MRRF: variants seen among roughly 807,000 people sequenced by gnomAD.
The protein encoded by MRRF is mitochondrial ribosome recycling factor, also known as ribosome-recycling factor, mitochondrial.
In MRRF, 18 loss-of-function variants were observed where a neutral mutation model predicts 25.1. The ratio of observed to expected loss-of-function variants is 0.72; its 90% CI spans 0.50 to 1.06. The LOEUF (loss-of-function observed/expected upper bound fraction) is 1.06. Ranked by LOEUF, MRRF falls within the 50% of genes least tolerant of loss-of-function variation. MRRF has a pLI of 0.00. For synonymous variants in MRRF, 113 were observed against 112.1 expected, an observed-to-expected ratio of 1.01 and a Z score of -0.05; for missense variants, 323 against 319.3, an observed-to-expected ratio of 1.01 and a Z score of -0.09.
chr9:122,316,502 CTT>C (rs2118986820), intron 6 of MRRF, among the ~76,000 whole-genome samples: 1 of 152,182 alleles, frequency 6.6e-6, no homozygotes, highest in South Asian at 2.1e-4. Context: ...TTGTTAATAA[CTT>C]AATTTACTGT....
intron 5 of MRRF, among the ~76,000 whole-genome samples, chr9:122,309,514 A>G (rs1221690194): frequency 2.0e-5 from 3 of 152,208 alleles, no homozygotes; most frequent in Non-Finnish European, 4.4e-5. Flanking sequence ...GGCAACTTAA[A>G]TATCACTTAG....
rs1832415389 is a variant in MRRF at position 122,270,987 on chromosome 9, G to A, written c.96G>A (p.Lys32=). The change falls in exon 2 of 7, where the codon AAG becomes AAA. Residue 32 remains lysine, a synonymous_variant. Transcript: ENST00000344641. ...SIRPVSEVTL[K]TVHERQHGHR... Reference sequence around the variant, plus strand: ...GACCCGTTTCAGAAGTTACACTGAAGACAGTGCATGAAAGACAACATGGCC... The same window carrying A: ...GACCCGTTTCAGAAGTTACACTGAAAACAGTGCATGAAAGACAACATGGCC... 1 of 1,614,144 alleles carries A rather than the reference G, an allele frequency of 6.2e-7. No individual in the cohort carries two copies. Among genetic ancestry groups the A allele is most frequent in the Non-Finnish European group, 8.5e-7 (1 of 1,179,996 alleles).
chr9:122,273,390 CATG>C (rs1411944061), intron 2 of MRRF, among the ~76,000 whole-genome samples: 2 of 146,640 alleles, frequency 1.4e-5, no homozygotes, highest in Non-Finnish European at 3.0e-5. Flanking sequence ...TACAGTGAGC[CATG>C]ATGATGCCAC....
Position 122,325,493 on chromosome 9 carries a change from C to T in MRRF, c.*2876C>T, listed in dbSNP as rs1836107110. ...CTCCATCTCTTCTCTCCTACAGCCT[C>T]TCTCAAAAAGAAACACTGGGTATGG... is the stretch of plus-strand genomic sequence containing the variant. On this transcript the variant is annotated 3_prime_UTR_variant, in exon 7 of 7. Transcript: ENST00000344641. 6.6e-6 allele frequency: 1 copy of T among 152,174 alleles called. No homozygotes were observed. The highest frequency in any genetic ancestry group is 2.4e-5 in the African/African-American group (1 of 41,438). 9.4% of individuals were successfully genotyped at this position (152,174 alleles called of 1,614,324 possible). A position where few individuals can be genotyped will look rare whatever the true frequency, so the allele number is the denominator to read the frequency against.
chr9:122,309,022 C>T (rs1412073692), intron 5 of MRRF, among the ~76,000 whole-genome samples: 1 of 152,120 alleles, frequency 6.6e-6, no homozygotes, highest in Non-Finnish European at 1.5e-5. Flanking sequence ...AGCTCTGTAC[C>T]TATTAAACAA....
intron 5 of MRRF, among the ~76,000 whole-genome samples, chr9:122,304,270 G>A (rs1834686376): frequency 6.6e-6 from 1 of 152,016 alleles, no homozygotes; most frequent in African/African-American, 2.4e-5. Flanking sequence ...CATTCTCCTG[G>A]TTTGTTCCAG....
chr9:122,293,724 C>T (rs16911600), intron 5 of MRRF, among the ~76,000 whole-genome samples: 7,126 of 152,190 alleles, frequency 0.047, 526 homozygotes, highest in African/African-American at 0.16. Context: ...TCTGAGAATG[C>T]GTATGTGCCA....
intron 2 of MRRF, among the ~76,000 whole-genome samples, chr9:122,275,610 C>A (rs903935914): frequency 6.6e-6 from 1 of 152,184 alleles, no homozygotes; most frequent in Admixed American, 6.5e-5. Flanking sequence ...GCACTCCAGT[C>A]TGGGTGACAG....
chr9:122,266,706 C>A (rs541183596), intron 1 of MRRF, among the ~76,000 whole-genome samples: 2 of 152,188 alleles, frequency 1.3e-5, no homozygotes, highest in African/African-American at 4.8e-5. Context: ...GGTTGGTCAT[C>A]TAGCCAAAAT....
intron 2 of MRRF, 99 bp downstream of exon 2, chr9:122,271,174 T>C (rs781441483): frequency 3.8e-6 from 4 of 1,044,146 alleles, no homozygotes; most frequent in Non-Finnish European, 6.0e-6. Context: ...ATTTCTCCCC[T>C]TGCTAACATG....
At chr9:122,286,045 G>T (rs1320555949) in intron 4 of MRRF, 2 of 1,294,990 alleles carry the variant, frequency 1.5e-6, no homozygotes, top group Admixed American at 2.3e-5. Context: ...CTAGGAATTG[G>T]CCTGGATTAG....
intron 5 of MRRF, among the ~76,000 whole-genome samples, chr9:122,295,634 C>A (rs536190830): frequency 5.0e-4 from 76 of 152,082 alleles, no homozygotes; most frequent in Non-Finnish European, 9.9e-4. Flanking sequence ...TTAGTAGAGA[C>A]GGGATTTCAC....
intron 5 of MRRF, among the ~76,000 whole-genome samples, chr9:122,296,808 A>G (rs138796873): frequency 2.6e-4 from 40 of 152,306 alleles, no homozygotes; most frequent in African/African-American, 9.1e-4. Flanking sequence ...TCTATGGGAA[A>G]ACCACACTAA....
intron 4 of MRRF, chr9:122,285,963 C>T (rs760400175): frequency 8.1e-5 from 105 of 1,303,848 alleles, no homozygotes; most frequent in Non-Finnish European, 9.8e-5. Flanking sequence ...TGTATTAGGT[C>T]ATTGCATCTT....
chr9:122,323,340 T>C lies in MRRF; in HGVS notation c.*723T>C, dbSNP rs1835999652. 1 of 153,050 alleles carries C rather than the reference T, an allele frequency of 6.5e-6. No homozygotes were observed. The highest frequency in any genetic ancestry group is 6.5e-5 in the Admixed American group (1 of 15,424). The allele number at this position is 153,050 out of a possible 1,614,324, so 9.5% of individuals were successfully genotyped here. A position where few individuals can be genotyped will look rare whatever the true frequency, so the allele number is the denominator to read the frequency against. ...AGCACAGTCTACTGCTTTGTACGAA[T>C]TCTAAGTATTCTTGTTGCACTTAAT... On this transcript the variant is annotated 3_prime_UTR_variant, in exon 7 of 7. Transcript: ENST00000344641.
chr9:122,287,766 C>G (rs767908437), intron 4 of MRRF, among the ~76,000 whole-genome samples: 1 of 152,140 alleles, frequency 6.6e-6, no homozygotes, highest in Non-Finnish European at 1.5e-5. Context: ...AAAATCCTTA[C>G]AAGTATATCA....
At position 122,323,272 on chromosome 9, in the gene MRRF, T is replaced by G. The variant is rs1477918496; in HGVS notation, c.*655T>G. On this transcript the variant is annotated 3_prime_UTR_variant, in exon 7 of 7. Transcript: ENST00000344641. Reference sequence around the variant, plus strand: ...TGGATATCACGTCCTCTGGGAAGTCTTCTTTTCCCCTCTAACCTAGGACCC... The same window carrying G: ...TGGATATCACGTCCTCTGGGAAGTCGTCTTTTCCCCTCTAACCTAGGACCC... 3 of 156,926 alleles carry G rather than the reference T, an allele frequency of 1.9e-5. No homozygotes were observed. The highest frequency in any genetic ancestry group is 1.9e-4 in the East Asian group (1 of 5,334). The allele number at this position is 156,926 out of a possible 1,614,324, so 9.7% of individuals were successfully genotyped here. A position where few individuals can be genotyped will look rare whatever the true frequency, so the allele number is the denominator to read the frequency against.
Position 122,328,243 on chromosome 9 carries a change from G to C in MRRF, c.*5626G>C, listed in dbSNP as rs1213146601. On this transcript the variant is annotated 3_prime_UTR_variant, in exon 7 of 7. Coordinates refer to ENST00000344641, the MANE Select transcript of MRRF (RefSeq NM_138777.5). ...CCTACCTTGGCCTCCCAAAGTGCTG[G>C]GATTACAGGCTTGAGCTTCTGTGCC... 2.0e-5 allele frequency: 3 copies of C among 152,102 alleles called. No individual in the cohort carries two copies. The highest frequency in any genetic ancestry group is 4.4e-5 in the Non-Finnish European group (3 of 68,036). The allele number at this position is 152,102 out of a possible 1,614,324, so 9.4% of individuals were successfully genotyped here.
chr9:122,272,295 A>G (rs375140348), intron 2 of MRRF, among the ~76,000 whole-genome samples: 4 of 152,296 alleles, frequency 2.6e-5, no homozygotes, highest in African/African-American at 9.6e-5. Flanking sequence ...CTAGTGTAAT[A>G]GACAGTTACA....
Sources: gnomAD v4.1 joint callset for allele counts (sites outside exome capture counted in the v4.1 genomes callset) on GRCh38, gnomAD v4.1.1 for gene constraint, MANE v1.5 for transcripts, NCBI Gene and HGNC (gene_info 2026-07-23, HGNC 2026-07-21) for gene names.